Variants in DRP2 observed in about 807,000 individuals in gnomAD.
DRP2 encodes the protein dystrophin-related protein 2.
DRP2 carries 29 observed loss-of-function variants against 78.2 expected under a neutral mutation model. The observed-to-expected ratio is 0.37, with a 90% CI of 0.28 to 0.51. DRP2 has a LOEUF of 0.51. Ranked by LOEUF, DRP2 falls within the 20% of genes least tolerant of loss-of-function variation. The pLI is 0.94. For synonymous variants in DRP2, 290 were observed against 281.9 expected (o/e 1.03, Z -0.29); for missense variants, 686 against 770.6 (o/e 0.89, Z 1.30).
intron 3 of DRP2, among the ~76,000 whole-genome samples, chrX:101,232,594 A>G (rs1300781091): frequency 3.6e-5 from 4 of 111,425 alleles, no homozygotes; most frequent in African/African-American, 1.3e-4. Context: ...GAGAATGTGG[A>G]TGCTGGGGAG....
At chrX:101,234,963 G>A (rs747083444) in intron 3 of DRP2, among the ~76,000 whole-genome samples, 1 of 110,700 alleles carries the variant, frequency 9.0e-6, no homozygotes, top group African/African-American at 3.3e-5. Context: ...TCCCTAGTCT[G>A]GGGTAGAGCA....
chrX:101,245,296 C>A, intron 10 of DRP2, 92 bp from the exon 11 acceptor site: 1 of 955,721 alleles, frequency 1.0e-6, no homozygotes, highest in Non-Finnish European at 1.5e-6. Flanking sequence ...CAGCTTCTTG[C>A]ATCCAACCTG....
intron 3 of DRP2, among the ~76,000 whole-genome samples, chrX:101,232,534 C>T (rs751876138): frequency 6.3e-5 from 7 of 110,659 alleles, no homozygotes; most frequent in Non-Finnish European, 1.1e-4. Context: ...AGGCAGGCAG[C>T]GGCCGAATAT....
At chrX:101,249,591 C>A (rs1923056923) in intron 14 of DRP2, among the ~76,000 whole-genome samples, 2 of 111,366 alleles carry the variant, frequency 1.8e-5, no homozygotes, top group African/African-American at 6.5e-5. Flanking sequence ...GACTCCATTT[C>A]TAATTTTAAA....
intron 3 of DRP2, 25 bp downstream of exon 3, chrX:101,231,789 G>A: frequency 8.6e-7 from 1 of 1,158,114 alleles, no homozygotes; most frequent in Non-Finnish European, 1.2e-6. Context: ...GTGAAAGAAA[G>A]ACCTGTGGAG....
chrX:101,255,362 C>T, intron 20 of DRP2, 113 bp downstream of exon 20: 1 of 767,420 alleles, frequency 1.3e-6, no homozygotes, highest in South Asian at 2.5e-5. Context: ...GGTTAGGATC[C>T]TTAGCTCCCT....
At chrX:101,234,079 C>T (rs920935454) in intron 3 of DRP2, among the ~76,000 whole-genome samples, 1 of 112,106 alleles carries the variant, frequency 8.9e-6, no homozygotes, top group Non-Finnish European at 1.9e-5. Context: ...GCTCTGTCCC[C>T]AGATGTGCCA....
rs1379202759 is a variant in DRP2 at position 101,224,181 on chromosome X, G to GTT, written c.-166-423_-166-422insTT. Among the ~76,000 whole-genome samples the GTT allele has an allele frequency of 4.9e-3, 233 of 47,622 alleles. 12 individuals are homozygous for GTT. Among genetic ancestry groups the GTT allele is most frequent in the Middle Eastern group, 0.015 (1 of 68 alleles). The allele number at this position is 47,622 out of a possible 115,157, so 41.4% of individuals were successfully genotyped here. ...TCCCAAGAATAATAAATGTTTGCTGGGTTTTTTTTGTTTTTTTTTTTTTTT... is the reference window on the plus strand; with the variant it reads ...TCCCAAGAATAATAAATGTTTGCTGGTTGTTTTTTTTGTTTTTTTTTTTTTTT... On this transcript the variant is annotated intron_variant, in intron 1 of 23. Coordinates refer to ENST00000395209, the MANE Select transcript of DRP2 (RefSeq NM_001939.3).
At chrX:101,227,463 G>A (rs1199441664) in intron 2 of DRP2, among the ~76,000 whole-genome samples, 1 of 111,257 alleles carries the variant, frequency 9.0e-6, no homozygotes, top group Non-Finnish European at 1.9e-5. Context: ...AAGAGTACTC[G>A]CCCAGGAATC....
chrX:101,242,048 A>C, intron 7 of DRP2, 112 bp downstream of exon 7: 1 of 929,399 alleles, frequency 1.1e-6, no homozygotes, highest in Non-Finnish European at 1.5e-6. Flanking sequence ...ACTACAACTG[A>C]GTTGCTGTCA....
rs1923614673 is a variant in DRP2, at chrX:101,262,941, C to T, written c.*2320C>T. On this transcript the variant is annotated 3_prime_UTR_variant, in exon 24 of 24. Coordinates refer to ENST00000395209, the MANE Select transcript of DRP2 (RefSeq NM_001939.3). ...GTCCTGGAAAATCTTTTCTGTTATC[C>T]CCACCCCACCTGAGAGCTCTTGGGC... 9.0e-6 allele frequency: 1 copy of T among 111,184 alleles called. No homozygotes were observed. Among genetic ancestry groups the T allele is most frequent in the Non-Finnish European group, 1.9e-5 (1 of 53,014 alleles). 9.2% of individuals were successfully genotyped at this position (111,184 alleles called of 1,213,427 possible).
intron 3 of DRP2, among the ~76,000 whole-genome samples, chrX:101,234,449 A>C (rs1922413483): frequency 8.9e-6 from 1 of 112,618 alleles, no homozygotes; most frequent in Admixed American, 9.3e-5. Context: ...GCTCTGATTC[A>C]CCAGCCAGGC....
At position 101,260,057 on chromosome X, in the gene DRP2, C is replaced by T. The variant is rs188520189; in HGVS notation, c.2637C>T (p.Thr879=). 116 of 1,209,519 alleles carry T rather than the reference C, an allele frequency of 9.6e-5. No homozygotes were observed. The highest frequency in any genetic ancestry group is 6.9e-4 in the Middle Eastern group (3 of 4,352). Residue 879 remains threonine (T), a synonymous_variant, in exon 23 of 24, where the codon ACC becomes ACT. Coordinates refer to ENST00000395209, the MANE Select transcript of DRP2 (RefSeq NM_001939.3). ...GCCTTACCTCTTGCTAGCCACCCAC[C>T]GAATCAGATGGCAGTGGCTCTGCAG... ...RLRELLLQPP[T]ESDGSGSAGS...
intron 2 of DRP2, among the ~76,000 whole-genome samples, chrX:101,229,293 A>G (rs895379187): frequency 2.7e-5 from 3 of 111,989 alleles, no homozygotes; most frequent in African/African-American, 9.7e-5. Flanking sequence ...TAAGTGACTA[A>G]TGCTTTTGTG....
chrX:101,231,454 A>G, intron 2 of DRP2, 131 bp from the exon 3 acceptor site: 2 of 489,351 alleles, frequency 4.1e-6, no homozygotes, highest in South Asian at 2.9e-5. Flanking sequence ...TTTATGGTAC[A>G]TGGTGGCCTG....
rs775445545 is a variant in DRP2 at position 101,248,524 on chromosome X, G to A, written c.1465G>A (p.Gly489Arg). 3 of 1,209,956 alleles carry A rather than the reference G, an allele frequency of 2.5e-6. No homozygotes were observed. Among genetic ancestry groups the A allele is most frequent in the Non-Finnish European group, 2.2e-6 (2 of 895,083 alleles). ...TCTTTTTAAACCTAGTGGTCGCAGC[G>A]GAAAGATGCGGGCATTGTCTTTTAA... ...LLNVFDSGRS[G>R]KMRALSFKTG... The change falls in exon 14 of 24, where the codon GGA (glycine) becomes AGA (arginine). Residue 489 changes from glycine to arginine, a missense_variant. Coordinates refer to ENST00000395209, the MANE Select transcript of DRP2 (RefSeq NM_001939.3).
intron 1 of DRP2, among the ~76,000 whole-genome samples, chrX:101,222,049 G>C (rs1440520746): frequency 8.9e-6 from 1 of 111,897 alleles, no homozygotes; most frequent in Non-Finnish European, 1.9e-5. Context: ...TTTAAAATAA[G>C]TGTTGGGGGT....
intron 14 of DRP2, among the ~76,000 whole-genome samples, chrX:101,249,500 G>A (rs1364871906): frequency 9.0e-6 from 1 of 111,692 alleles, no homozygotes; most frequent in Non-Finnish European, 1.9e-5. Flanking sequence ...GCTCATGCAT[G>A]TAATCCCAGC....
At chrX:101,226,771 C>T (rs1432362599) in intron 2 of DRP2, among the ~76,000 whole-genome samples, 1 of 111,848 alleles carries the variant, frequency 8.9e-6, no homozygotes, top group East Asian at 2.8e-4. Context: ...ATAAATACAT[C>T]CCAAATCCCT....
Sources: gnomAD v4.1 joint callset for allele counts (sites outside exome capture counted in the v4.1 genomes callset) on GRCh38, gnomAD v4.1.1 for gene constraint, MANE v1.5 for transcripts, NCBI Gene and HGNC (gene_info 2026-07-23, HGNC 2026-07-21) for gene names.